The following CACNA1C variants were observed in gnomAD, a reference collection of about 807,000 sequenced individuals.
CACNA1C encodes the protein voltage-dependent L-type calcium channel subunit alpha-1C.
CACNA1C carries 30 observed loss-of-function variants against 229.0 expected under a neutral mutation model. The observed-to-expected ratio is 0.13, with a 90% CI of 0.10 to 0.18. The LOEUF (loss-of-function observed/expected upper bound fraction) is 0.18. Among genes scored for constraint, CACNA1C ranks in the 10% least tolerant of loss-of-function variants. The pLI, the probability that CACNA1C is intolerant of heterozygous loss-of-function variation, is 1.00. For synonymous variants in CACNA1C, 1,114 were observed against 1,132.5 expected, an observed-to-expected ratio of 0.98 and a Z score of 0.33; for missense variants, 1,658 against 2,845.0, an observed-to-expected ratio of 0.58 and a Z score of 9.49.
intron 9 of CACNA1C, among the ~76,000 whole-genome samples, chr12:2,524,932 C>G (rs531275138): frequency 1.3e-5 from 2 of 152,306 alleles, no homozygotes; most frequent in African/African-American, 4.8e-5. Context: ...GTCACACGGC[C>G]AAAAGATCGC....
intron 3 of CACNA1C, among the ~76,000 whole-genome samples, chr12:2,261,857 C>T (rs879914737): frequency 5.9e-5 from 9 of 152,196 alleles, no homozygotes; most frequent in Non-Finnish European, 1.3e-4. Flanking sequence ...AGCTGCTGTG[C>T]TGGGATGTGT....
chr12:2,045,056 T>C (rs1320198954), intron 1 of CACNA1C, among the ~76,000 whole-genome samples: 1 of 152,182 alleles, frequency 6.6e-6, no homozygotes, highest in Non-Finnish European at 1.5e-5. Flanking sequence ...GAATGCCAGC[T>C]GAAATATGGA....
intron 3 of CACNA1C, among the ~76,000 whole-genome samples, chr12:2,174,751 C>G (rs1238679177): frequency 6.6e-6 from 1 of 152,186 alleles, no homozygotes; most frequent in Non-Finnish European, 1.5e-5. Context: ...TGACTGATAA[C>G]ATAAACAGTC....
chr12:2,512,845 C>T lies in CACNA1C; in HGVS notation c.1251C>T (p.Ala417=), dbSNP rs751902029. ...EFSKEREKAK[A]RGDFQKLREK... Reference sequence around the variant, plus strand: ...CCAAAGAGAGGGAGAAGGCCAAGGCCCGGGGAGATTTCCAGAAGCTGCGGG... The same window carrying T: ...CCAAAGAGAGGGAGAAGGCCAAGGCTCGGGGAGATTTCCAGAAGCTGCGGG... Residue 417 remains alanine, a synonymous_variant, in exon 9 of 47, where the codon GCC becomes GCT. Coordinates refer to ENST00000399655, the MANE Select transcript of CACNA1C (RefSeq NM_000719.7). The surrounding 1 kb of genome is among the most constrained non-coding windows in gnomAD (Gnocchi z 4.3). 1.5e-5 allele frequency: 24 copies of T among 1,613,036 alleles called. No individual in the cohort carries two copies. Among genetic ancestry groups the T allele is most frequent in the Non-Finnish European group, 2.0e-5 (24 of 1,179,596 alleles).
intron 34 of CACNA1C, among the ~76,000 whole-genome samples, chr12:2,656,404 T>TA (rs1387619554): frequency 6.6e-6 from 1 of 152,166 alleles, no homozygotes; most frequent in East Asian, 1.9e-4. Context: ...TGAGAACTCA[T>TA]AAAACATTGA....
intron 1 of CACNA1C, among the ~76,000 whole-genome samples, chr12:2,073,196 A>T (rs995696316): frequency 1.3e-5 from 2 of 152,204 alleles, no homozygotes; most frequent in African/African-American, 4.8e-5. Context: ...CCAAGTGTTT[A>T]AAAAAACGTG....
In CACNA1C at chr12:2,348,477, C is replaced by A. The variant is rs1439243757; in HGVS notation, c.478-100499C>A. On this transcript the variant is annotated intron_variant, in intron 3 of 46. Coordinates refer to ENST00000399655, the MANE Select transcript of CACNA1C (RefSeq NM_000719.7). The surrounding 1 kb of genome is among the most constrained non-coding windows in gnomAD (Gnocchi z 4.7). ...CGTTGGCGTGTATGGTGTCTTCTCG[C>A]TGAGCCACAGCACCTGGTTTAGGGC... Among the ~76,000 whole-genome samples the A allele has an allele frequency of 3.3e-5, 5 of 152,240 alleles. No homozygotes were observed. The highest frequency in any genetic ancestry group is 5.9e-5 in the Non-Finnish European group (4 of 68,046).
chr12:2,380,018 G>A (rs1196946924), intron 3 of CACNA1C, among the ~76,000 whole-genome samples: 5 of 71,048 alleles, frequency 7.0e-5, no homozygotes, highest in East Asian at 3.6e-4. Context: ...GCGACAGAGC[G>A]AGACTCCGTC....
intron 1 of CACNA1C, among the ~76,000 whole-genome samples, chr12:2,076,981 C>T (rs963412853): frequency 2.6e-5 from 4 of 152,196 alleles, no homozygotes; most frequent in East Asian, 3.8e-4. Flanking sequence ...TGCCCTGGAG[C>T]GGACGCCATG....
chr12:2,078,960 T>C (rs898266193), intron 1 of CACNA1C, among the ~76,000 whole-genome samples: 3 of 152,198 alleles, frequency 2.0e-5, no homozygotes, highest in African/African-American at 7.2e-5. Context: ...TAAAAAATGA[T>C]GAGTTCATGT....
At chr12:2,371,995 G>A (rs2097881358) in intron 3 of CACNA1C, among the ~76,000 whole-genome samples, 1 of 152,132 alleles carries the variant, frequency 6.6e-6, no homozygotes, top group Non-Finnish European at 1.5e-5. Flanking sequence ...ATAGAATATT[G>A]CTCATGGACT....
intron 9 of CACNA1C, among the ~76,000 whole-genome samples, chr12:2,528,933 C>T (rs1431929891): frequency 6.6e-6 from 1 of 152,114 alleles, no homozygotes; most frequent in Non-Finnish European, 1.5e-5. Flanking sequence ...CTCACGCAGG[C>T]CCAGTTGGAG....
intron 1 of CACNA1C, among the ~76,000 whole-genome samples, chr12:2,088,415 C>A (rs2068597265): frequency 6.6e-6 from 1 of 152,294 alleles, no homozygotes; most frequent in Middle Eastern, 3.4e-3. Flanking sequence ...ACGTACTTTG[C>A]TGTCAGGCTG....
At chr12:2,530,734 C>A (rs141451863) in intron 9 of CACNA1C, among the ~76,000 whole-genome samples, 160 of 152,284 alleles carry the variant, frequency 1.1e-3, no homozygotes, top group Middle Eastern at 3.4e-3. Context: ...TCATAAAGAT[C>A]ATTTCCAGGA....
chr12:2,485,695 A>G (rs1434396597), intron 5 of CACNA1C, among the ~76,000 whole-genome samples: 1 of 152,180 alleles, frequency 6.6e-6, no homozygotes, highest in Non-Finnish European at 1.5e-5. Flanking sequence ...CCACCATGGG[A>G]AAAACCTCGA....
rs1178313067 is a variant in CACNA1C at position 1,993,371 on chromosome 12, C to T, written c.139+22170C>T. On this transcript the variant is annotated intron_variant, in intron 1 of 46. Transcript: ENST00000682462. Reference sequence around the variant, plus strand: ...GCTCAGCCTATTCATAATGGTGAATCCATGCTTTGGAGAAGCAGACCTAAA... The same window carrying T: ...GCTCAGCCTATTCATAATGGTGAATTCATGCTTTGGAGAAGCAGACCTAAA... The T allele has an allele frequency of 3.7e-6, 6 of 1,612,288 alleles. No individual in the cohort carries two copies. The highest frequency in any genetic ancestry group is 1.3e-5 in the African/African-American group (1 of 74,852).
chr12:2,429,797 C>G (rs2099065734), intron 3 of CACNA1C, among the ~76,000 whole-genome samples: 1 of 152,160 alleles, frequency 6.6e-6, no homozygotes, highest in Non-Finnish European at 1.5e-5. Flanking sequence ...ACCAGCCGTG[C>G]CCAGCTCCAC....
chr12:2,084,939 G>A (rs2067024513), intron 1 of CACNA1C, among the ~76,000 whole-genome samples: 1 of 152,098 alleles, frequency 6.6e-6, no homozygotes, highest in Admixed American at 6.5e-5. Flanking sequence ...GCTTGTTGAG[G>A]TCATTTTTAT....
intron 7 of CACNA1C, among the ~76,000 whole-genome samples, chr12:2,497,201 C>T (rs2099748451): frequency 6.6e-6 from 1 of 152,238 alleles, no homozygotes; most frequent in Admixed American, 6.5e-5. Context: ...GATTCATAGG[C>T]ATGCTCTGAG....
Sources: gnomAD v4.1 joint callset for allele counts (sites outside exome capture counted in the v4.1 genomes callset) on GRCh38, gnomAD v4.1.1 for gene constraint, Gnocchi (gnomAD v3.1) non-coding constraint, MANE v1.5 for transcripts, NCBI Gene and HGNC (gene_info 2026-07-23, HGNC 2026-07-21) for gene names.